The following RSPH6A variants were observed in gnomAD, a reference collection of about 807,000 sequenced individuals.
RSPH6A encodes the protein radial spoke head protein 6 homolog A.
A neutral mutation model predicts 66.1 loss-of-function variants in RSPH6A; 49 were observed. That is an observed-to-expected ratio of 0.74 (90% confidence interval 0.59 to 0.94). The LOEUF (loss-of-function observed/expected upper bound fraction) is 0.94. RSPH6A is among the 40% of genes least tolerant of loss of function. The pLI is 0.00. For synonymous variants in RSPH6A, 419 were observed against 402.4 expected, an observed-to-expected ratio of 1.04 and a Z score of -0.49; for missense variants, 977 against 948.3, an observed-to-expected ratio of 1.03 and a Z score of -0.40.
intron 1 of RSPH6A, among the ~76,000 whole-genome samples, chr19:45,811,447 T>C (rs1031728642): frequency 1.1e-4 from 17 of 152,112 alleles, no homozygotes; most frequent in African/African-American, 3.9e-4. Context: ...ATTTTTTTAA[T>C]TTATTTTTCA....
Position 45,810,711 on chromosome 19 carries a change from C to G in RSPH6A, c.780G>C (p.Arg260=). The G allele has an allele frequency of 6.2e-7, 1 of 1,614,166 alleles. No homozygotes were observed. The highest frequency in any genetic ancestry group is 8.5e-7 in the Non-Finnish European group (1 of 1,180,042). Residue 260 remains arginine (R), a synonymous_variant, in exon 2 of 6, where the codon CGG becomes CGC. Coordinates refer to ENST00000221538, the MANE Select transcript of RSPH6A (RefSeq NM_030785.4). ...EWFHPKLDTL[R]DDPEMQPTYK... ...AGGTGGGCTGCATCTCGGGGTCGTC[C>G]CGCAGCGTGTCCAGCTTGGGGTGGA...
chr19:45,811,790 A>G (rs960592565), intron 1 of RSPH6A, among the ~76,000 whole-genome samples: 2 of 123,798 alleles, frequency 1.6e-5, no homozygotes, highest in Non-Finnish European at 3.4e-5. Context: ...TATTATTATT[A>G]GAGACAGAGT....
intron 2 of RSPH6A, 88 bp downstream of exon 2, chr19:45,810,515 G>A (rs1431189546): frequency 1.5e-5 from 18 of 1,237,522 alleles, no homozygotes; most frequent in East Asian, 7.0e-5. Context: ...GCTGTCTTTC[G>A]CCTCCAGGCC....
In RSPH6A at chr19:45,815,140, G is replaced by C; in HGVS notation, c.37C>G (p.Gln13Glu). Residue 13 changes from glutamine to glutamate, a missense_variant, in exon 1 of 6, where the codon CAG (glutamine) becomes GAG (glutamate). Coordinates refer to ENST00000221538, the MANE Select transcript of RSPH6A (RefSeq NM_030785.4). ...GAAGTCCTCCGGCCCGGAGGCTGCT[G>C]GGCAGGGCGCTCAGGGTAGGGCGGC... is the stretch of plus-strand genomic sequence containing the variant. ...DLPPYPERPAQQPPGRRTSQA... is the reference protein window; with the variant it reads ...DLPPYPERPAEQPPGRRTSQA... 1 of 1,610,376 alleles carries C rather than the reference G, an allele frequency of 6.2e-7. No individual in the cohort carries two copies. The highest frequency in any genetic ancestry group is 8.5e-7 in the Non-Finnish European group (1 of 1,179,730).
At chr19:45,813,759 G>A (rs1970660613) in intron 1 of RSPH6A, among the ~76,000 whole-genome samples, 1 of 152,176 alleles carries the variant, frequency 6.6e-6, no homozygotes, top group African/African-American at 2.4e-5. Context: ...CCTAGAATGA[G>A]AGCATCCTGG....
Position 45,804,193 on chromosome 19 carries a change from G to A in RSPH6A, c.1653+59C>T. 1 of 1,364,342 alleles carries A rather than the reference G, an allele frequency of 7.3e-7. No homozygotes were observed. The highest frequency in any genetic ancestry group is 1.0e-6 in the Non-Finnish European group (1 of 984,900). 84.5% of individuals were successfully genotyped at this position (1,364,342 alleles called of 1,614,324 possible). ...TAAGAGCTTGATGTCAGTATTGCAG[G>A]GTCATGCGTGAGCCCCCTGCTCCTG... On this transcript the variant is annotated intron_variant, in intron 3 of 5. Coordinates refer to ENST00000221538, the MANE Select transcript of RSPH6A (RefSeq NM_030785.4). This position sits in a 1 kb window ranked among gnomAD's most constrained non-coding sequence, Gnocchi z 5.8.
rs202174358 is a variant in RSPH6A, at chr19:45,800,439, G to T, written c.1916+7C>A. ...CTCCTGCTGGGAGGGGCTGGGGGAA[G>T]ACCTACTTGCCACTGGCATAGGCAT... On this transcript the variant is annotated splice_region_variant and intron_variant, in intron 5 of 5. Transcript: ENST00000221538. The T allele has an allele frequency of 8.1e-6, 13 of 1,609,562 alleles. No homozygotes were observed. The highest frequency in any genetic ancestry group is 6.7e-5 in the Admixed American group (4 of 59,802).
At chr19:45,809,283 G>A (rs1230299482) in intron 2 of RSPH6A, among the ~76,000 whole-genome samples, 1 of 144,476 alleles carries the variant, frequency 6.9e-6, no homozygotes. Context: ...TTACAGGTGT[G>A]AGCCACTGCG....
chr19:45,809,858 G>A (rs558479833), intron 2 of RSPH6A, among the ~76,000 whole-genome samples: 4 of 152,334 alleles, frequency 2.6e-5, no homozygotes, highest in East Asian at 1.9e-4. Context: ...CTGGCTAGCC[G>A]TCTGGAAGAC....
At chr19:45,807,068 A>G (rs1282388348) in intron 2 of RSPH6A, among the ~76,000 whole-genome samples, 1 of 147,384 alleles carries the variant, frequency 6.8e-6, no homozygotes, top group African/African-American at 2.5e-5. Context: ...TAATTTTTGT[A>G]TTTTTAGTAG....
rs1442880239 is a variant in RSPH6A, at chr19:45,804,443, T to C, written c.1462A>G (p.Ile488Val). Residue 488 changes from isoleucine (I) to valine (V), a missense_variant, in exon 3 of 6, where the codon ATC becomes GTC. Transcript: ENST00000221538. This position sits in a 1 kb window ranked among gnomAD's most constrained non-coding sequence, Gnocchi z 5.8. ...GGGCTGACCTGCGTGGCGGCCGAGA[T>C]GCGGGCTATCTGGGCCCGCAGGTAG... ...ANYLRAQIAR[I>V]SAATQVSPLG... The C allele has an allele frequency of 1.2e-6, 2 of 1,613,900 alleles. No individual in the cohort carries two copies.
intron 2 of RSPH6A, among the ~76,000 whole-genome samples, chr19:45,807,731 G>A (rs943319551): frequency 5.3e-5 from 8 of 151,390 alleles, no homozygotes; most frequent in Admixed American, 2.0e-4. Context: ...TGCTGGTCTC[G>A]AACTCCTGAC....
intron 5 of RSPH6A, among the ~76,000 whole-genome samples, chr19:45,798,091 T>G (rs1970427462): frequency 6.6e-6 from 1 of 152,104 alleles, no homozygotes; most frequent in African/African-American, 2.4e-5. Flanking sequence ...CCAAGCATGG[T>G]GGCCCACGCC....
rs769905016 is a variant in RSPH6A at position 45,810,735 on chromosome 19, G to C, written c.756C>G (p.Phe252Leu). ...SLNRTTQWEW[F>L]HPKLDTLRDD... ...CCCGCAGCGTGTCCAGCTTGGGGTG[G>C]AACCACTCCCACTGCGTGGTGCGGT... Residue 252 changes from phenylalanine (F) to leucine (L), a missense_variant, in exon 2 of 6, where the codon TTC (phenylalanine) becomes TTG (leucine). Physicochemically the swap from Phe to Leu is conservative, Grantham distance 22 (BLOSUM62 0). Transcript: ENST00000221538. 14 of 1,614,122 alleles carry C rather than the reference G, an allele frequency of 8.7e-6. No individual in the cohort carries two copies. The South Asian group carries it at 1.4e-4, about 16-fold the overall frequency.
At chr19:45,814,107 C>T (rs1470766081) in intron 1 of RSPH6A, among the ~76,000 whole-genome samples, 1 of 152,050 alleles carries the variant, frequency 6.6e-6, no homozygotes, top group East Asian at 1.9e-4. Flanking sequence ...TGCCCTAAGC[C>T]AAGACCACGC....
At position 45,804,225 on chromosome 19, in the gene RSPH6A, G is replaced by T; in HGVS notation, c.1653+27C>A. On this transcript the variant is annotated intron_variant, in intron 3 of 5. Coordinates refer to ENST00000221538, the MANE Select transcript of RSPH6A (RefSeq NM_030785.4). The surrounding 1 kb of genome is among the most constrained non-coding windows in gnomAD (Gnocchi z 5.8). ...CGTGAGCCCCCTGCTCCTGCCGTTT[G>T]TGAGAGGCGGGAGTCCCGGCGCTCA... 6.4e-7 allele frequency: 1 copy of T among 1,573,010 alleles called. No homozygotes were observed. Among genetic ancestry groups the T allele is most frequent in the Non-Finnish European group, 8.7e-7 (1 of 1,153,046 alleles).
intron 4 of RSPH6A, among the ~76,000 whole-genome samples, 158 bp from the exon 5 acceptor site, chr19:45,800,721 C>T (rs1363047820): frequency 1.3e-5 from 2 of 150,764 alleles, no homozygotes; most frequent in African/African-American, 2.4e-5. Flanking sequence ...TTTGAACCCT[C>T]GCTGCAGACC....
intron 5 of RSPH6A, among the ~76,000 whole-genome samples, chr19:45,799,124 CG>C (rs1249615440): frequency 6.6e-6 from 1 of 152,230 alleles, no homozygotes; most frequent in Non-Finnish European, 1.5e-5. Flanking sequence ...AATCCCACCA[CG>C]GCTGTGATTC....
intron 2 of RSPH6A, among the ~76,000 whole-genome samples, chr19:45,807,188 G>A (rs900299497): frequency 6.6e-6 from 1 of 150,546 alleles, no homozygotes; most frequent in Non-Finnish European, 1.5e-5. Flanking sequence ...CACTGTGCCT[G>A]GCATATTATT....
Sources: gnomAD v4.1 joint callset for allele counts (sites outside exome capture counted in the v4.1 genomes callset) on GRCh38, gnomAD v4.1.1 for gene constraint, Gnocchi (gnomAD v3.1) non-coding constraint, MANE v1.5 for transcripts, NCBI Gene and HGNC (gene_info 2026-07-23, HGNC 2026-07-21) for gene names.